COL19A1: variants seen among roughly 807,000 people sequenced by gnomAD.
The protein encoded by COL19A1 is collagen type XIX alpha 1 chain, also known as collagen alpha-1(XIX) chain.
COL19A1 carries 159 observed loss-of-function variants against 190.2 expected under a neutral mutation model. The observed-to-expected ratio is 0.84, with a 90% CI of 0.73 to 0.95. The LOEUF is 0.95. Among genes scored for constraint, COL19A1 ranks in the 40% least tolerant of loss-of-function variants. COL19A1 has a pLI of 0.00. For synonymous variants in COL19A1, 509 were observed against 458.9 expected (o/e 1.11, Z -1.39); for missense variants, 1,418 against 1,431.9 (o/e 0.99, Z 0.16).
In COL19A1 at chr6:70,180,245, G is replaced by A. The variant is rs370822825; in HGVS notation, c.2668-67G>A. 115 of 1,573,740 alleles carry A rather than the reference G, an allele frequency of 7.3e-5. No individual in the cohort carries two copies. In the African/African-American group the frequency reaches 8.2e-4, roughly 11 times the overall value. Reference sequence around the variant, plus strand: ...ACTATAAACTCAATTGGGGTTGGGGGAAGAGAAGCATATGGTGTCGTTCAG... The same window carrying A: ...ACTATAAACTCAATTGGGGTTGGGGAAAGAGAAGCATATGGTGTCGTTCAG... On this transcript the variant is annotated intron_variant, in intron 42 of 50. Coordinates refer to ENST00000620364, the MANE Select transcript of COL19A1 (RefSeq NM_001858.6).
chr6:70,031,713 T>G (rs1160644869), intron 12 of COL19A1, among the ~76,000 whole-genome samples: 5 of 152,208 alleles, frequency 3.3e-5, no homozygotes, highest in African/African-American at 1.2e-4. Flanking sequence ...CATCTGTTGA[T>G]GGACACAGAA....
intron 4 of COL19A1, among the ~76,000 whole-genome samples, chr6:69,917,919 C>T (rs559552463): frequency 6.6e-6 from 1 of 152,240 alleles, no homozygotes; most frequent in African/African-American, 2.4e-5. Context: ...TGCATGTGGC[C>T]AGTGGGCGGT....
chr6:70,190,189 A>G, intron 47 of COL19A1, 126 bp from the exon 48 acceptor site: 1 of 716,376 alleles, frequency 1.4e-6, no homozygotes, highest in South Asian at 1.7e-5. Flanking sequence ...ATCAATTGCC[A>G]AAAGCATTTT....
At chr6:70,190,716 C>T (rs1252493444) in intron 48 of COL19A1, among the ~76,000 whole-genome samples, 1 of 152,166 alleles carries the variant, frequency 6.6e-6, no homozygotes, top group Non-Finnish European at 1.5e-5. Flanking sequence ...TGTCTAGCTC[C>T]TCCACTATTA....
At chr6:70,068,389 C>T (rs1562139910) in intron 14 of COL19A1, 34 bp from the exon 15 acceptor site, 4 of 1,319,508 alleles carry the variant, frequency 3.0e-6, no homozygotes, top group Non-Finnish European at 4.4e-6. Flanking sequence ...GTACTTGAAA[C>T]AGTGTATTAA....
At chr6:69,941,310 T>C (rs1036503374) in intron 9 of COL19A1, among the ~76,000 whole-genome samples, 1 of 152,182 alleles carries the variant, frequency 6.6e-6, no homozygotes, top group Non-Finnish European at 1.5e-5. Flanking sequence ...CAATACAATA[T>C]ATACACAGCA....
intron 16 of COL19A1, among the ~76,000 whole-genome samples, chr6:70,115,779 A>G (rs1456538438): frequency 1.4e-5 from 2 of 147,516 alleles, no homozygotes; most frequent in Admixed American, 1.4e-4. Context: ...ATAGTTCAAG[A>G]GTTTCTAGCA....
intron 4 of COL19A1, among the ~76,000 whole-genome samples, chr6:69,921,486 AT>A (rs1392785024): frequency 2.5e-4 from 26 of 103,660 alleles, no homozygotes; most frequent in African/African-American, 5.9e-4. Context: ...ATTCATATAT[AT>A]TCATATATAT....
chr6:70,168,483 A>C (rs969272246), intron 39 of COL19A1, among the ~76,000 whole-genome samples, 172 bp from the exon 40 acceptor site: 1 of 152,218 alleles, frequency 6.6e-6, no homozygotes, highest in Non-Finnish European at 1.5e-5. Flanking sequence ...CATTTTTATG[A>C]AATTTCCATC....
At chr6:70,087,862 A>G (rs910824556) in intron 15 of COL19A1, among the ~76,000 whole-genome samples, 1 of 152,208 alleles carries the variant, frequency 6.6e-6, no homozygotes, top group Non-Finnish European at 1.5e-5. Flanking sequence ...ATGACACACT[A>G]GTGTCGGCAC....
intron 11 of COL19A1, among the ~76,000 whole-genome samples, chr6:69,994,158 G>A (rs1039649166): frequency 6.6e-6 from 1 of 151,874 alleles, no homozygotes; most frequent in Non-Finnish European, 1.5e-5. Flanking sequence ...ATCTTCTCAG[G>A]CAGCAACTCA....
intron 48 of COL19A1, among the ~76,000 whole-genome samples, chr6:70,194,400 C>T (rs1767068757): frequency 6.6e-6 from 1 of 152,208 alleles, no homozygotes; most frequent in Non-Finnish European, 1.5e-5. Flanking sequence ...CTCCCTTCAA[C>T]ATCCTGGTGC....
At chr6:69,985,045 C>A (rs1470176814) in intron 11 of COL19A1, among the ~76,000 whole-genome samples, 1 of 152,156 alleles carries the variant, frequency 6.6e-6, no homozygotes, top group Admixed American at 6.5e-5. Context: ...TGTCTCCCTA[C>A]CCACTTGTAG....
chr6:70,200,085 G>T (rs1338663810), intron 49 of COL19A1, among the ~76,000 whole-genome samples: 4 of 151,962 alleles, frequency 2.6e-5, no homozygotes, highest in Non-Finnish European at 4.4e-5. Flanking sequence ...TTCCCCTTTT[G>T]GTGTAAGTTA....
At chr6:70,032,493 AT>A (rs370993614) in intron 12 of COL19A1, among the ~76,000 whole-genome samples, 1 of 152,156 alleles carries the variant, frequency 6.6e-6, no homozygotes, top group African/African-American at 2.4e-5. Flanking sequence ...CAAATATATT[AT>A]TTTTTTCTAG....
chr6:69,918,166 CTTA>C (rs1302509523), intron 4 of COL19A1, among the ~76,000 whole-genome samples: 4 of 152,150 alleles, frequency 2.6e-5, no homozygotes, highest in Non-Finnish European at 4.4e-5. Flanking sequence ...AGAAATGCAT[CTTA>C]TTCTAGGAAC....
intron 15 of COL19A1, among the ~76,000 whole-genome samples, chr6:70,071,421 T>G (rs1021982441): frequency 5.3e-5 from 8 of 152,182 alleles, no homozygotes; most frequent in African/African-American, 1.7e-4. Flanking sequence ...AAAGTGTTCA[T>G]TTAATAAAAT....
intron 4 of COL19A1, among the ~76,000 whole-genome samples, chr6:69,907,928 G>T (rs1770668381): frequency 1.3e-5 from 2 of 152,146 alleles, no homozygotes; most frequent in African/African-American, 4.8e-5. Context: ...GAACCTGCTA[G>T]AAAGATACAC....
intron 15 of COL19A1, among the ~76,000 whole-genome samples, chr6:70,074,810 TA>T (rs201151728): frequency 2.4e-4 from 36 of 151,592 alleles, no homozygotes; most frequent in African/African-American, 8.3e-4. Context: ...CAATGACCTT[TA>T]AAATGCACGA....
Sources: gnomAD v4.1 joint callset for allele counts (sites outside exome capture counted in the v4.1 genomes callset) on GRCh38, gnomAD v4.1.1 for gene constraint, MANE v1.5 for transcripts, NCBI Gene and HGNC (gene_info 2026-07-23, HGNC 2026-07-21) for gene names.